The following SLC39A11 variants were observed in gnomAD, a reference collection of about 807,000 sequenced individuals.
SLC39A11 encodes the protein zinc transporter ZIP11.
In SLC39A11, 33 loss-of-function variants were observed where a neutral mutation model predicts 36.1. That is an observed-to-expected ratio of 0.91 (90% confidence interval 0.69 to 1.22). The LOEUF is 1.22. Among genes scored for constraint, SLC39A11 ranks in the 50% most tolerant of loss-of-function variants. The pLI is 0.00. For synonymous variants in SLC39A11, 166 were observed against 170.3 expected (o/e 0.97, Z 0.20); for missense variants, 432 against 430.3 (o/e 1.00, Z -0.03).
chr17:72,751,586 G>GT (rs753640214), intron 6 of SLC39A11, among the ~76,000 whole-genome samples: 194 of 150,630 alleles, frequency 1.3e-3, no homozygotes, highest in Middle Eastern at 3.4e-3. Flanking sequence ...GAGCTCTTTG[G>GT]TTTTTTTTTG....
At chr17:72,921,596 G>T (rs1299525486) in intron 5 of SLC39A11, among the ~76,000 whole-genome samples, 3 of 152,210 alleles carry the variant, frequency 2.0e-5, no homozygotes, top group Admixed American at 2.0e-4. Flanking sequence ...GAAATCATAT[G>T]CAGAATTTTG....
chr17:73,077,775 A>AT (rs558551282), intron 3 of SLC39A11, among the ~76,000 whole-genome samples: 11 of 152,160 alleles, frequency 7.2e-5, no homozygotes, highest in South Asian at 2.1e-4. Flanking sequence ...TGGCCTTGTG[A>AT]TTTTTTTTAA....
chr17:72,934,695 T>C (rs2084636787), intron 5 of SLC39A11, among the ~76,000 whole-genome samples: 1 of 152,036 alleles, frequency 6.6e-6, no homozygotes, highest in Non-Finnish European at 1.5e-5. Flanking sequence ...AACTCTACCA[T>C]AATTAAACAA....
chr17:72,785,452 A>G (rs1300892282), intron 6 of SLC39A11, among the ~76,000 whole-genome samples: 1 of 152,232 alleles, frequency 6.6e-6, no homozygotes, highest in Non-Finnish European at 1.5e-5. Flanking sequence ...GAGGGAGCTC[A>G]GGAGCACGTG....
At chr17:72,854,194 G>A (rs1245140187) in intron 5 of SLC39A11, among the ~76,000 whole-genome samples, 3 of 152,030 alleles carry the variant, frequency 2.0e-5, no homozygotes, top group African/African-American at 7.2e-5. Flanking sequence ...CAGAGAGGCA[G>A]AGTAACTGGT....
At chr17:73,071,065 T>A (rs772755039) in intron 3 of SLC39A11, among the ~76,000 whole-genome samples, 2 of 151,688 alleles carry the variant, frequency 1.3e-5, no homozygotes, top group Non-Finnish European at 2.9e-5. Flanking sequence ...GGCATTGGGG[T>A]TTTTTAAAGC....
At chr17:72,949,567 G>A (rs1432407689) in intron 4 of SLC39A11, among the ~76,000 whole-genome samples, 3 of 151,888 alleles carry the variant, frequency 2.0e-5, no homozygotes, top group African/African-American at 4.8e-5. Flanking sequence ...GGTTCACGAC[G>A]GCACAGGCTA....
At chr17:72,902,272 CA>C (rs1482086357) in intron 5 of SLC39A11, among the ~76,000 whole-genome samples, 1 of 143,488 alleles carries the variant, frequency 7.0e-6, no homozygotes, top group African/African-American at 2.6e-5. Flanking sequence ...GCTCTGTCTC[CA>C]AAAAAAATAA....
At chr17:72,876,395 A>C (rs1376015411) in intron 5 of SLC39A11, among the ~76,000 whole-genome samples, 3 of 152,242 alleles carry the variant, frequency 2.0e-5, no homozygotes, top group Non-Finnish European at 4.4e-5. Flanking sequence ...TCTGCTTGTT[A>C]GAACATAGTG....
At chr17:72,963,248 G>A (rs914782387) in intron 4 of SLC39A11, among the ~76,000 whole-genome samples, 3 of 134,456 alleles carry the variant, frequency 2.2e-5, no homozygotes, top group African/African-American at 8.6e-5. Flanking sequence ...CCAGCTCCCT[G>A]CAAGCTCCGC....
At chr17:72,763,512 G>A (rs1310187359) in intron 6 of SLC39A11, among the ~76,000 whole-genome samples, 1 of 152,144 alleles carries the variant, frequency 6.6e-6, no homozygotes, top group African/African-American at 2.4e-5. Context: ...GATAACACCT[G>A]TTAACATCTT....
intron 6 of SLC39A11, among the ~76,000 whole-genome samples, chr17:72,828,987 T>C (rs946625962): frequency 1.3e-5 from 2 of 152,168 alleles, no homozygotes; most frequent in Admixed American, 1.3e-4. Flanking sequence ...AAAGCACATT[T>C]CTATTTTCAA....
At chr17:72,847,379 G>A (rs1400035417) in intron 6 of SLC39A11, among the ~76,000 whole-genome samples, 1 of 149,104 alleles carries the variant, frequency 6.7e-6, no homozygotes, top group Non-Finnish European at 1.5e-5. Flanking sequence ...TCCAGCCTGG[G>A]CGACAGAGCG....
At chr17:73,035,878 A>T (rs1233293690) in intron 3 of SLC39A11, among the ~76,000 whole-genome samples, 2 of 151,374 alleles carry the variant, frequency 1.3e-5, no homozygotes, top group East Asian at 1.9e-4. Flanking sequence ...AAAAAAAAAA[A>T]AAAAAAAAAG....
chr17:72,737,508 TA>T (rs1293878276), intron 6 of SLC39A11, among the ~76,000 whole-genome samples: 1 of 152,168 alleles, frequency 6.6e-6, no homozygotes, highest in African/African-American at 2.4e-5. Flanking sequence ...CTTTATTTAT[TA>T]GCTCATGCAA....
At chr17:72,766,068 T>C (rs2075748208) in intron 6 of SLC39A11, among the ~76,000 whole-genome samples, 1 of 152,174 alleles carries the variant, frequency 6.6e-6, no homozygotes, top group African/African-American at 2.4e-5. Flanking sequence ...GTGAGAATGA[T>C]GCCAAGCATC....
At chr17:73,015,662 C>T (rs1391559684) in intron 4 of SLC39A11, among the ~76,000 whole-genome samples, 1 of 152,116 alleles carries the variant, frequency 6.6e-6, no homozygotes, top group African/African-American at 2.4e-5. Context: ...TGGCTCACTG[C>T]AACCCCCACC....
chr17:72,932,475 T>C (rs939073108), intron 5 of SLC39A11, among the ~76,000 whole-genome samples: 2 of 142,224 alleles, frequency 1.4e-5, no homozygotes, highest in Non-Finnish European at 3.0e-5. Context: ...CGGTGTGTGA[T>C]GTTCCCCTCC....
chr17:72,740,056 C>CCTTTT (rs758554593), intron 6 of SLC39A11, among the ~76,000 whole-genome samples: 6 of 81,464 alleles, frequency 7.4e-5, no homozygotes, highest in African/African-American at 3.1e-4. Flanking sequence ...CTTTCCTTTT[C>CCTTTT]TTTTTTTTTT....
Sources: allele counts gnomAD v4.1 joint callset (sites outside exome capture counted in the v4.1 genomes callset), GRCh38; gene constraint gnomAD v4.1.1; transcripts MANE v1.5; gene names NCBI Gene and HGNC (gene_info 2026-07-23, HGNC 2026-07-21).